Variants in A2M observed in about 807,000 individuals in gnomAD.
A2M encodes alpha-2-macroglobulin, also known as C3 and PZP-like alpha-2-macroglobulin domain-containing protein 5.
A neutral mutation model predicts 183.9 loss-of-function variants in A2M; 128 were observed. That is an observed-to-expected ratio of 0.70 (90% CI 0.60 to 0.81). The LOEUF (loss-of-function observed/expected upper bound fraction) is 0.81, where lower values mean the gene tolerates loss of function less well. Among genes scored for constraint, A2M ranks in the 30% least tolerant of loss-of-function variants. The pLI, the probability that A2M is intolerant of heterozygous loss-of-function variation, is 0.00. For synonymous variants in A2M, 592 were observed against 670.8 expected (o/e 0.88, Z 1.81); for missense variants, 1,495 against 1,787.6 (o/e 0.84, Z 2.95).
intron 24 of A2M, 147 bp downstream of exon 24, chr12:9,079,492 G>T: frequency 9.7e-7 from 1 of 1,032,908 alleles, no homozygotes; most frequent in Non-Finnish European, 1.4e-6. Context: ...AGGTTGGAGA[G>T]TGGATAGTTT....
intron 18 of A2M, among the ~76,000 whole-genome samples, chr12:9,093,084 T>G (rs1369694027): frequency 6.6e-6 from 1 of 151,990 alleles, no homozygotes; most frequent in Non-Finnish European, 1.5e-5. Context: ...AGAAAGGTGG[T>G]TGGGGTTGCA....
chr12:9,080,344 C>A, intron 22 of A2M, 167 bp from the exon 23 acceptor site: 1 of 399,508 alleles, frequency 2.5e-6, no homozygotes, highest in East Asian at 3.7e-5. Context: ...AAATGGGCTA[C>A]TGGTTTCCTG....
At chr12:9,099,257 G>A in intron 14 of A2M, 124 bp downstream of exon 14, 2 of 881,482 alleles carry the variant, frequency 2.3e-6, no homozygotes, top group Non-Finnish European at 3.6e-6. Context: ...CCACTACCTT[G>A]CTGAATGTCT....
intron 26 of A2M, 114 bp from the exon 27 acceptor site, chr12:9,077,534 G>A (rs896389089): frequency 8.2e-6 from 12 of 1,461,644 alleles, no homozygotes; most frequent in Non-Finnish European, 1.1e-5. Context: ...ATCCCTATAG[G>A]GCAAAGTATC....
intron 23 of A2M, 123 bp from the exon 24 acceptor site, chr12:9,079,938 G>T: frequency 9.4e-7 from 1 of 1,062,340 alleles, no homozygotes; most frequent in Non-Finnish European, 1.3e-6. Flanking sequence ...ATTCTTCCAG[G>T]GATAGAAGTA....
At chr12:9,107,903 C>A (rs1361301648) in intron 7 of A2M, among the ~76,000 whole-genome samples, 1 of 150,864 alleles carries the variant, frequency 6.6e-6, no homozygotes, top group East Asian at 1.9e-4. Flanking sequence ...TTAAAAAAGT[C>A]TTTCTTATTA....
At position 9,112,429 on chromosome 12, in the gene A2M, G is replaced by A. The variant is rs750530812; in HGVS notation, c.378C>T (p.Asp126=). 6.2e-7 allele frequency: 1 copy of A among 1,613,882 alleles called. No individual in the cohort carries two copies. Among genetic ancestry groups the A allele is most frequent in the South Asian group, 1.1e-5 (1 of 91,064 alleles). ...TGTCTGTCTGGACAAAGACCAGACT[G>A]TCCTCGTTCTTAACCATCACTGTGG... ...KRTTVMVKNE[D]SLVFVQTDKS... The change falls in exon 3 of 36, where the codon GAC becomes GAT. Residue 126 remains aspartate, a synonymous_variant. Coordinates refer to ENST00000318602, the MANE Select transcript of A2M (RefSeq NM_000014.6).
chr12:9,101,026 C>T (rs1937794411), intron 13 of A2M, 118 bp downstream of exon 13: 1 of 905,446 alleles, frequency 1.1e-6, no homozygotes, highest in African/African-American at 1.7e-5. Flanking sequence ...TGTGACCAAA[C>T]ACCACCTGTT....
rs988043648 is a variant in A2M at position 9,079,503 on chromosome 12, C to G, written c.3031+136G>C. 23 of 1,063,660 alleles carry G rather than the reference C, an allele frequency of 2.2e-5. No homozygotes were observed. In the African/African-American group the frequency reaches 3.5e-4, roughly 16 times the overall value. 65.9% of individuals were successfully genotyped at this position (1,063,660 alleles called of 1,614,324 possible). On this transcript the variant is annotated intron_variant, in intron 24 of 35. Transcript: ENST00000318602. ...TTGGAGGTTGGAGAGTGGATAGTTT[C>G]CTTGAAATTAACTATCATAGCAGCT...
At chr12:9,077,023 G>GT in intron 27 of A2M, 87 bp from the exon 28 acceptor site, 1 of 1,326,536 alleles carries the variant, frequency 7.5e-7, no homozygotes, top group Non-Finnish European at 1.0e-6. Flanking sequence ...CAGCACAGAA[G>GT]TTTTTCAAAC....
At position 9,095,679 on chromosome 12, in the gene A2M, TTTCTGGTAGCAGGTTGTAAACCTGTAC is replaced by T; in HGVS notation, c.1852-6_1872del. 1.2e-6 allele frequency: 2 copies of T among 1,612,786 alleles called. No homozygotes were observed. Among genetic ancestry groups the T allele is most frequent in the Non-Finnish European group, 1.7e-6 (2 of 1,179,444 alleles). ...GGCCCAGGGAAGCCAGTGAGGTCCT[TTTCTGGTAGCAGGTTGTAAACCTGTAC>T]AAATACGAAAGACAAAAAGGCAAAC... On this transcript the variant is annotated splice_acceptor_variant and splice_polypyrimidine_tract_variant and coding_sequence_variant and intron_variant, in exon 16 of 36. Transcript: ENST00000318602. LOFTEE classifies it high-confidence loss of function.
chr12:9,110,727 T>TA (rs930079655), intron 4 of A2M, among the ~76,000 whole-genome samples: 1 of 152,068 alleles, frequency 6.6e-6, no homozygotes, highest in Non-Finnish European at 1.5e-5. Context: ...ATAAAAAGTT[T>TA]AAAAAATCTA....
In A2M at chr12:9,072,303, C is replaced by T. The variant is rs771646969; in HGVS notation, c.4103+56G>A. ...ACTGCTTTACTTAAAGAGGAGTTCC[C>T]GAAAGAAGACTGGTGGTTATTCTTA... On this transcript the variant is annotated intron_variant, in intron 31 of 35. Coordinates refer to ENST00000318602, the MANE Select transcript of A2M (RefSeq NM_000014.6). The T allele has an allele frequency of 6.0e-5, 96 of 1,591,480 alleles. No individual in the cohort carries two copies. The African/African-American group carries it at 8.0e-4, about 13-fold the overall frequency.
chr12:9,113,911 T>C (rs1398659770), intron 1 of A2M, among the ~76,000 whole-genome samples: 1 of 152,226 alleles, frequency 6.6e-6, no homozygotes, highest in Non-Finnish European at 1.5e-5. Context: ...CTCTCAGTCA[T>C]GCGGACATTA....
intron 25 of A2M, among the ~76,000 whole-genome samples, chr12:9,078,610 C>A (rs771158297): frequency 6.6e-6 from 1 of 152,134 alleles, no homozygotes; most frequent in Non-Finnish European, 1.5e-5. Flanking sequence ...CTTGAAGAAT[C>A]GCCATACTGT....
intron 28 of A2M, among the ~76,000 whole-genome samples, chr12:9,076,183 T>TA (rs1239079093): frequency 6.6e-6 from 1 of 152,230 alleles, no homozygotes; most frequent in Non-Finnish European, 1.5e-5. Flanking sequence ...GGTTATATAA[T>TA]GTACCAGGTA....
chr12:9,099,165 T>C (rs1949475829), intron 14 of A2M, among the ~76,000 whole-genome samples: 1 of 152,146 alleles, frequency 6.6e-6, no homozygotes, highest in Non-Finnish European at 1.5e-5. Context: ...CTGAACTGTG[T>C]AATTGGTAAG....
rs1938597526 is a variant in A2M, at chr12:9,109,947, G to A, written c.593C>T (p.Pro198Leu). The A allele has an allele frequency of 1.2e-6, 2 of 1,613,878 alleles. No homozygotes were observed. Among genetic ancestry groups the A allele is most frequent in the African/African-American group, 1.3e-5 (1 of 74,916 alleles). ...KQFSFPLSSEPFQGSYKVVVQ... is the reference protein window; with the variant it reads ...KQFSFPLSSELFQGSYKVVVQ... Reference sequence around the variant, plus strand: ...CACCACCTTGTAGGAGCCCTGGAAGGGCTCTGATGAGAGGGGAAAAGAAAA... The same window carrying A: ...CACCACCTTGTAGGAGCCCTGGAAGAGCTCTGATGAGAGGGGAAAAGAAAA... The change falls in exon 6 of 36, where the codon CCC (proline) becomes CTC (leucine). Residue 198 changes from proline to leucine, a missense_variant. Physicochemically the swap from Pro to Leu is moderately conservative, Grantham distance 98. Coordinates refer to ENST00000318602, the MANE Select transcript of A2M (RefSeq NM_000014.6).
At chr12:9,084,394 T>C (rs142264180) in intron 22 of A2M, among the ~76,000 whole-genome samples, 1 of 152,256 alleles carries the variant, frequency 6.6e-6, no homozygotes, top group African/African-American at 2.4e-5. Flanking sequence ...AAATTGTCAA[T>C]AAATACACAT....
Sources: allele counts gnomAD v4.1 joint callset (sites outside exome capture counted in the v4.1 genomes callset), GRCh38; gene constraint gnomAD v4.1.1; transcripts MANE v1.5; gene names NCBI Gene and HGNC (gene_info 2026-07-23, HGNC 2026-07-21).